The following TTC13 variants were observed in gnomAD, a reference collection of about 807,000 sequenced individuals.
TTC13 encodes the protein tetratricopeptide repeat domain 13.
In TTC13, 62 loss-of-function variants were observed where a neutral mutation model predicts 120.0. The observed-to-expected ratio is 0.52, with a 90% CI of 0.42 to 0.64. TTC13 has a LOEUF of 0.64. Ranked by LOEUF, TTC13 falls within the 30% of genes least tolerant of loss-of-function variation. The pLI is 0.00. For missense variants in TTC13, 824 were observed against 1,050.2 expected (o/e 0.78, Z 2.98); for synonymous variants, 384 against 393.5 (o/e 0.98, Z 0.28).
intron 5 of TTC13, among the ~76,000 whole-genome samples, chr1:230,945,035 A>G (rs1674858083): frequency 6.6e-6 from 1 of 152,244 alleles, no homozygotes; most frequent in Admixed American, 6.5e-5. Flanking sequence ...ATGCCTAAAA[A>G]AACCTTTTGT....
chr1:230,933,960 A>T, intron 8 of TTC13, 99 bp from the exon 9 acceptor site: 1 of 650,922 alleles, frequency 1.5e-6, no homozygotes, highest in Non-Finnish European at 2.4e-6. Flanking sequence ...CTAGTCTCTG[A>T]CAGATTTTCT....
chr1:230,931,246 T>C, intron 11 of TTC13, 52 bp downstream of exon 11: 1 of 1,579,060 alleles, frequency 6.3e-7, no homozygotes, highest in South Asian at 1.1e-5. Flanking sequence ...GCAATATGAT[T>C]TCTACAGCTT....
chr1:230,962,823 GA>G (rs1412423279), intron 1 of TTC13, among the ~76,000 whole-genome samples: 1 of 152,172 alleles, frequency 6.6e-6, no homozygotes, highest in Non-Finnish European at 1.5e-5. Context: ...CTAAATGGAA[GA>G]AGCCAGACAC....
At chr1:230,948,918 G>T (rs1409752365) in intron 4 of TTC13, among the ~76,000 whole-genome samples, 1 of 152,046 alleles carries the variant, frequency 6.6e-6, no homozygotes, top group Non-Finnish European at 1.5e-5. Context: ...CGGTCCCCAA[G>T]AAATTCCTTT....
intron 3 of TTC13, among the ~76,000 whole-genome samples, chr1:230,955,596 A>G (rs1344339418): frequency 2.7e-5 from 4 of 149,466 alleles, no homozygotes; most frequent in South Asian, 4.3e-4. Flanking sequence ...GCATGAACCC[A>G]GGAGGCGGAG....
rs1334545762 is a variant in TTC13, at chr1:230,906,648, T to C, written c.*257A>G. On this transcript the variant is annotated 3_prime_UTR_variant, in exon 23 of 23. Coordinates refer to ENST00000366661, the MANE Select transcript of TTC13 (RefSeq NM_024525.5). ...GTAAGGAAGGAGTTATATGACTTTA[T>C]AAGTGGGAACCAACAGGCTGCCGGC... 5 of 224,664 alleles carry C rather than the reference T, an allele frequency of 2.2e-5. No homozygotes were observed. The highest frequency in any genetic ancestry group is 4.3e-5 in the Non-Finnish European group (5 of 115,954). 13.9% of individuals were successfully genotyped at this position (224,664 alleles called of 1,614,324 possible).
At chr1:230,907,953 A>G (rs1030377919) in intron 22 of TTC13, among the ~76,000 whole-genome samples, 6 of 151,920 alleles carry the variant, frequency 3.9e-5, no homozygotes, top group African/African-American at 1.2e-4. Context: ...AGGAACGATC[A>G]TGGTCTGCTA....
At chr1:230,977,781 A>C (rs1416134775) in intron 1 of TTC13, among the ~76,000 whole-genome samples, 7 of 149,826 alleles carry the variant, frequency 4.7e-5, no homozygotes, top group Non-Finnish European at 8.9e-5. Flanking sequence ...ACAGAACTTC[A>C]AAACAAAAAA....
intron 3 of TTC13, among the ~76,000 whole-genome samples, chr1:230,955,015 T>C (rs1675922362): frequency 6.6e-6 from 1 of 152,220 alleles, no homozygotes; most frequent in African/African-American, 2.4e-5. Flanking sequence ...TGAACCACTT[T>C]GTATCACGTT....
At chr1:230,971,626 T>C (rs1677762726) in intron 1 of TTC13, among the ~76,000 whole-genome samples, 1 of 152,122 alleles carries the variant, frequency 6.6e-6, no homozygotes, top group South Asian at 2.1e-4. Context: ...ACAAAAGCCA[T>C]CTTAAAGAGA....
chr1:230,943,951 G>T, intron 5 of TTC13, 53 bp from the exon 6 acceptor site: 3 of 1,362,410 alleles, frequency 2.2e-6, no homozygotes. Flanking sequence ...AAACCAGGCT[G>T]AAAAAATTTT....
At chr1:230,908,453 G>T (rs1671154149) in intron 22 of TTC13, 1 of 523,842 alleles carries the variant, frequency 1.9e-6, no homozygotes, top group South Asian at 1.7e-5. Context: ...GCCTCCCAAA[G>T]TGCTGGGATT....
intron 14 of TTC13, among the ~76,000 whole-genome samples, chr1:230,924,595 G>C (rs1223196599): frequency 6.6e-6 from 1 of 152,224 alleles, no homozygotes; most frequent in African/African-American, 2.4e-5. Context: ...GCCTCCCAAA[G>C]TGCTGGGATT....
intron 11 of TTC13, among the ~76,000 whole-genome samples, chr1:230,929,769 G>A (rs1011061338): frequency 2.6e-5 from 4 of 152,124 alleles, no homozygotes; most frequent in South Asian, 4.1e-4. Flanking sequence ...TTCACCAACC[G>A]ACTAATGGAC....
rs147741454 is a variant in TTC13, at chr1:230,928,478, T to C, written c.1457+459A>G. Among the ~76,000 whole-genome samples the C allele has an allele frequency of 9.1e-3, 1,390 of 152,348 alleles. 12 individuals carry two copies. Among genetic ancestry groups the C allele is most frequent in the Middle Eastern group, 0.017 (5 of 294 alleles). ...TAAACTCTCATCATTTCCTATAATT[T>C]GTAGATCTTCTAGGTTTCCTTTGTA... On this transcript the variant is annotated intron_variant, in intron 12 of 22. Coordinates refer to ENST00000366661, the MANE Select transcript of TTC13 (RefSeq NM_024525.5).
chr1:230,921,300 A>G, intron 16 of TTC13, 121 bp downstream of exon 16: 1 of 592,934 alleles, frequency 1.7e-6, no homozygotes, highest in South Asian at 2.2e-5. Context: ...AACACTGTGT[A>G]AAAATTTGAT....
At chr1:230,965,843 G>A (rs138486369) in intron 1 of TTC13, among the ~76,000 whole-genome samples, 289 of 152,188 alleles carry the variant, frequency 1.9e-3, no homozygotes, top group Non-Finnish European at 3.3e-3. Flanking sequence ...TGGAGACAGG[G>A]TCCCACTGTG....
At chr1:230,914,604 A>C (rs1671838748) in intron 18 of TTC13, among the ~76,000 whole-genome samples, 1 of 152,120 alleles carries the variant, frequency 6.6e-6, no homozygotes, top group Non-Finnish European at 1.5e-5. Context: ...CATATTGGTC[A>C]GGCTGGTCTC....
At chr1:230,945,054 C>G (rs1009694845) in intron 5 of TTC13, among the ~76,000 whole-genome samples, 1 of 152,088 alleles carries the variant, frequency 6.6e-6, no homozygotes, top group Non-Finnish European at 1.5e-5. Context: ...GTTCTTTCAC[C>G]AACCTTTAAT....
Sources: gnomAD v4.1 joint callset for allele counts (sites outside exome capture counted in the v4.1 genomes callset) on GRCh38, gnomAD v4.1.1 for gene constraint, MANE v1.5 for transcripts, NCBI Gene and HGNC (gene_info 2026-07-23, HGNC 2026-07-21) for gene names.